The following UBE2E3 variants were observed in gnomAD, a reference collection of about 807,000 sequenced individuals.
UBE2E3 encodes ubiquitin conjugating enzyme E2 E3, also known as ubiquitin-conjugating enzyme E2 E3.
In UBE2E3, 5 loss-of-function variants were observed where a neutral mutation model predicts 23.6. That is an observed-to-expected ratio of 0.21 (90% confidence interval 0.11 to 0.44). The LOEUF is 0.44. UBE2E3 is among the 20% of genes least tolerant of loss of function. UBE2E3 has a pLI of 0.99. For synonymous variants in UBE2E3, 78 were observed against 87.5 expected (o/e 0.89, Z 0.60); for missense variants, 81 against 249.8 (o/e 0.32, Z 4.55).
intron 3 of UBE2E3, 33 bp downstream of exon 3, chr2:180,984,126 A>G (rs1684383948): frequency 6.4e-7 from 1 of 1,572,576 alleles, no homozygotes; most frequent in African/African-American, 1.3e-5. Context: ...TTGGTTTCAA[A>G]TTGTGGAAAA....
At chr2:181,004,955 T>C (rs953225812) in intron 3 of UBE2E3, among the ~76,000 whole-genome samples, 1 of 152,246 alleles carries the variant, frequency 6.6e-6, no homozygotes, top group Non-Finnish European at 1.5e-5. Flanking sequence ...CCCAAAACTT[T>C]TATTTGCATA....
rs1192276947 is a variant in UBE2E3 at position 180,980,827 on chromosome 2, C to T, written c.-172C>T. 1 of 149,662 alleles carries T rather than the reference C, an allele frequency of 6.7e-6. No individual in the cohort carries two copies. The highest frequency in any genetic ancestry group is 2.0e-4 in the East Asian group (1 of 5,126). 9.3% of individuals were successfully genotyped at this position (149,662 alleles called of 1,614,324 possible). A position where few individuals can be genotyped will look rare whatever the true frequency, so the allele number is the denominator to read the frequency against. On this transcript the variant is annotated 5_prime_UTR_variant, in exon 1 of 6. Transcript: ENST00000410062. The surrounding 1 kb of genome is among the most constrained non-coding windows in gnomAD (Gnocchi z 5.5). ...CCTCCGACTTTCAATGTTCCACACT[C>T]CCCGGCCAGAGCCTCCTCGGCTTCT... is the stretch of plus-strand genomic sequence containing the variant.
At chr2:181,021,949 C>G (rs1685716184) in intron 3 of UBE2E3, among the ~76,000 whole-genome samples, 1 of 152,084 alleles carries the variant, frequency 6.6e-6, no homozygotes, top group South Asian at 2.1e-4. Context: ...TGTGAAACCA[C>G]CAATTTTTCC....
At chr2:181,057,089 G>T (rs757425286) in intron 3 of UBE2E3, among the ~76,000 whole-genome samples, 2 of 151,790 alleles carry the variant, frequency 1.3e-5, no homozygotes, top group Non-Finnish European at 2.9e-5. Flanking sequence ...AAGAAAGGCG[G>T]AAAGGACCCA....
intron 3 of UBE2E3, among the ~76,000 whole-genome samples, chr2:181,052,765 A>G (rs1337982277): frequency 6.6e-6 from 1 of 151,742 alleles, no homozygotes; most frequent in Non-Finnish European, 1.5e-5. Flanking sequence ...TGAAAGGTCT[A>G]CCCACTCTTA....
intron 3 of UBE2E3, among the ~76,000 whole-genome samples, chr2:181,019,664 TA>T (rs1381059068): frequency 6.6e-6 from 1 of 152,160 alleles, no homozygotes; most frequent in African/African-American, 2.4e-5. Context: ...TTTTTAAACA[TA>T]AAAATATGAG....
chr2:181,011,512 T>C (rs954040635), intron 3 of UBE2E3, among the ~76,000 whole-genome samples: 2 of 152,076 alleles, frequency 1.3e-5, no homozygotes, highest in Admixed American at 1.3e-4. Context: ...GAGGGGACAT[T>C]CAACCCATAT....
At chr2:181,014,366 T>A (rs2105612937) in intron 3 of UBE2E3, among the ~76,000 whole-genome samples, 1 of 152,300 alleles carries the variant, frequency 6.6e-6, no homozygotes, top group South Asian at 2.1e-4. Context: ...TTGGAAATTA[T>A]TTGAGTATTT....
chr2:181,045,516 G>C (rs1036742872), intron 3 of UBE2E3, among the ~76,000 whole-genome samples: 6 of 152,050 alleles, frequency 3.9e-5, no homozygotes, highest in African/African-American at 7.2e-5. Flanking sequence ...CTGCATATCT[G>C]CTCTCCCCGT....
At chr2:181,008,531 T>C (rs1685220338) in intron 3 of UBE2E3, among the ~76,000 whole-genome samples, 1 of 152,230 alleles carries the variant, frequency 6.6e-6, no homozygotes, top group African/African-American at 2.4e-5. Flanking sequence ...GAGGTCCAAC[T>C]GGATATATAC....
At chr2:181,049,508 A>G (rs1686765229) in intron 3 of UBE2E3, among the ~76,000 whole-genome samples, 1 of 152,100 alleles carries the variant, frequency 6.6e-6, no homozygotes, top group Non-Finnish European at 1.5e-5. Context: ...TACCTGTACC[A>G]GAATTCTTCT....
At chr2:181,021,558 T>C (rs144066891) in intron 3 of UBE2E3, among the ~76,000 whole-genome samples, 790 of 56,354 alleles carry the variant, frequency 0.014, 18 homozygotes, top group African/African-American at 0.046. Context: ...TATACTCCCT[T>C]CCTTCCTTCC....
At chr2:180,996,436 A>G (rs542456499) in intron 3 of UBE2E3, among the ~76,000 whole-genome samples, 23 of 152,340 alleles carry the variant, frequency 1.5e-4, no homozygotes, top group Middle Eastern at 3.4e-3. Context: ...TCAGAATCAA[A>G]TTAATTTGTC....
rs190605754 is a variant in UBE2E3, at chr2:181,002,667, C to G, written c.245+18574C>G. Among the ~76,000 whole-genome samples the G allele has an allele frequency of 3.1e-3, 467 of 152,246 alleles. 3 individuals are homozygous for G. The highest frequency in any genetic ancestry group is 0.011 in the African/African-American group (444 of 41,546). ...TAATATAAAAATTAATGAGATATTTCATAATTTTTTTGTACAGTGTTTTTG... is the reference window on the plus strand; with the variant it reads ...TAATATAAAAATTAATGAGATATTTGATAATTTTTTTGTACAGTGTTTTTG... On this transcript the variant is annotated intron_variant, in intron 3 of 5. Transcript: ENST00000410062.
intron 5 of UBE2E3, 54 bp downstream of exon 5, chr2:181,060,866 T>TGC: frequency 1.7e-6 from 1 of 590,752 alleles, no homozygotes. Flanking sequence ...GAGTGCTTTT[T>TGC]TTTTTTTTTT....
intron 3 of UBE2E3, among the ~76,000 whole-genome samples, chr2:181,000,655 C>T (rs969882365): frequency 2.0e-5 from 3 of 151,406 alleles, no homozygotes; most frequent in Admixed American, 6.6e-5. Context: ...CCCGGGTTCA[C>T]GCCATTCTCC....
chr2:180,993,548 TTTTTA>T (rs1559113822), intron 3 of UBE2E3, among the ~76,000 whole-genome samples: 3 of 152,320 alleles, frequency 2.0e-5, no homozygotes, highest in East Asian at 3.9e-4. Flanking sequence ...TTTTGTTACC[TTTTTA>T]TTTTATTTTC....
At chr2:180,991,309 T>C (rs1684650139) in intron 3 of UBE2E3, among the ~76,000 whole-genome samples, 1 of 152,174 alleles carries the variant, frequency 6.6e-6, no homozygotes, top group Non-Finnish European at 1.5e-5. Context: ...CTGTGTTTTT[T>C]CCTATACATA....
intron 3 of UBE2E3, among the ~76,000 whole-genome samples, chr2:181,022,743 A>G (rs1204829524): frequency 6.6e-6 from 1 of 152,144 alleles, no homozygotes; most frequent in Non-Finnish European, 1.5e-5. Flanking sequence ...AAAAAACAAA[A>G]AAAAAACCCC....
Sources: allele counts gnomAD v4.1 joint callset (sites outside exome capture counted in the v4.1 genomes callset), GRCh38; gene constraint gnomAD v4.1.1; non-coding constraint Gnocchi (gnomAD v3.1); transcripts MANE v1.5; gene names NCBI Gene and HGNC (gene_info 2026-07-23, HGNC 2026-07-21).